Variants in SND1 observed in about 807,000 individuals in gnomAD.
SND1 encodes the protein staphylococcal nuclease domain-containing protein 1.
SND1 carries 38 observed loss-of-function variants against 121.7 expected under a neutral mutation model. The ratio of observed to expected loss-of-function variants is 0.31; its 90% CI spans 0.24 to 0.41. The LOEUF is 0.41. Among genes scored for constraint, SND1 ranks in the 10% least tolerant of loss-of-function variants. SND1 has a pLI of 1.00. For missense variants in SND1, 868 were observed against 1,184.6 expected (o/e 0.73, Z 3.92); for synonymous variants, 401 against 447.4 (o/e 0.90, Z 1.31).
chr7:127,812,982 C>T (rs536123673), intron 11 of SND1, among the ~76,000 whole-genome samples: 127 of 152,278 alleles, frequency 8.3e-4, no homozygotes, highest in African/African-American at 2.7e-3. Context: ...TGGAAAAGTC[C>T]TTTACATTAA....
chr7:127,697,594 A>G (rs1796028773), intron 3 of SND1, among the ~76,000 whole-genome samples: 1 of 152,078 alleles, frequency 6.6e-6, no homozygotes, highest in South Asian at 2.1e-4. Context: ...AAAATTTACT[A>G]ATGTGTCTTT....
In SND1 at chr7:128,081,409, T is replaced by C. The variant is rs778326455; in HGVS notation, c.2018T>C (p.Leu673Pro). 6.2e-7 allele frequency: 1 copy of C among 1,614,206 alleles called. No individual in the cohort carries two copies. The highest frequency in any genetic ancestry group is 2.2e-5 in the East Asian group (1 of 44,878). The change falls in exon 18 of 24, where the codon CTG becomes CCG. Residue 673 changes from leucine to proline, a missense_variant. By Grantham distance (98) the Leu-to-Pro change is moderately conservative (BLOSUM62 -3). This residue lies in a region of SND1 where 743 missense variants were observed against 1,071.3 expected (regional missense o/e 0.69). Coordinates refer to ENST00000354725, the MANE Select transcript of SND1 (RefSeq NM_014390.4). ...EQPVEEVMPV[L>P]EEKERSASYK... Reference sequence around the variant, plus strand: ...CCCGTGGAGGAGGTGATGCCAGTGCTGGAGGAGAAGGAGCGATCTGCTAGC... The same window carrying C: ...CCCGTGGAGGAGGTGATGCCAGTGCCGGAGGAGAAGGAGCGATCTGCTAGC...
At position 128,085,191 on chromosome 7, in the gene SND1, A is replaced by G. The variant is rs55726025; in HGVS notation, c.2234+344A>G. On this transcript the variant is annotated intron_variant, in intron 19 of 23. Transcript: ENST00000354725. This position sits in a 1 kb window ranked among gnomAD's most constrained non-coding sequence, Gnocchi z 4.4. ...ATGATGTTACAGGGGGCTGAGGTAG[A>G]GGCTGGGCTACAGTAAGCCTAAACC... Among the ~76,000 whole-genome samples, 1,955 of 152,162 alleles carry G rather than the reference A, an allele frequency of 0.013. 23 individuals carry two copies. The highest frequency in any genetic ancestry group is 0.033 in the South Asian group (160 of 4,824).
chr7:128,013,291 T>C (rs1009075027), intron 16 of SND1, among the ~76,000 whole-genome samples: 8 of 152,192 alleles, frequency 5.3e-5, no homozygotes, highest in African/African-American at 1.2e-4. Flanking sequence ...ACATTGTCAT[T>C]GTGTCCGCCC....
intron 9 of SND1, among the ~76,000 whole-genome samples, chr7:127,712,102 A>T (rs1314527776): frequency 6.6e-6 from 1 of 152,052 alleles, no homozygotes; most frequent in Admixed American, 6.5e-5. Flanking sequence ...TGAGAATAAG[A>T]TATTAAAACA....
At chr7:127,977,827 A>G (rs1474487456) in intron 15 of SND1, among the ~76,000 whole-genome samples, 3 of 152,190 alleles carry the variant, frequency 2.0e-5, no homozygotes, top group Admixed American at 6.5e-5. Flanking sequence ...GGATGTAGCA[A>G]TCACTGGGTT....
chr7:127,764,179 T>C (rs1474171210), intron 10 of SND1, among the ~76,000 whole-genome samples: 4 of 152,256 alleles, frequency 2.6e-5, no homozygotes, highest in Non-Finnish European at 5.9e-5. Flanking sequence ...TATGTAATTC[T>C]AAACTGAATA....
intron 12 of SND1, among the ~76,000 whole-genome samples, chr7:127,872,491 G>T (rs1424991781): frequency 1.3e-5 from 2 of 152,092 alleles, no homozygotes; most frequent in East Asian, 3.9e-4. Context: ...CAGCATTTCT[G>T]TTTGGCCATA....
chr7:127,718,589 A>T lies in SND1; in HGVS notation c.1039-2698A>T, dbSNP rs111985725. The T allele has an allele frequency of 8.1e-3, 8,021 of 985,378 alleles. 37 individuals are homozygous for T. Among genetic ancestry groups the T allele is most frequent in the Non-Finnish European group, 9.1e-3 (7,569 of 829,910 alleles). 61.0% of individuals were successfully genotyped at this position (985,378 alleles called of 1,614,324 possible). A position where few individuals can be genotyped will look rare whatever the true frequency, so the allele number is the denominator to read the frequency against. ...CACAGTTCCTGAAGAGGAGGTTTCTAATCAGGGAGATGCTGAGCAGCAGAG... is the reference window on the plus strand; with the variant it reads ...CACAGTTCCTGAAGAGGAGGTTTCTTATCAGGGAGATGCTGAGCAGCAGAG... On this transcript the variant is annotated intron_variant, in intron 9 of 23. Transcript: ENST00000354725.
At chr7:127,916,893 A>G (rs1414038802) in intron 14 of SND1, among the ~76,000 whole-genome samples, 3 of 152,142 alleles carry the variant, frequency 2.0e-5, no homozygotes, top group African/African-American at 7.2e-5. Flanking sequence ...CTAGATCTGT[A>G]GTTTTTAGGA....
chr7:127,808,370 G>A (rs1324098260), intron 11 of SND1, among the ~76,000 whole-genome samples: 1 of 151,980 alleles, frequency 6.6e-6, no homozygotes, highest in Non-Finnish European at 1.5e-5. Context: ...TCACCATGGT[G>A]GCCAGGCTGG....
rs150252515 is a variant in SND1, at chr7:128,041,843, C to T, written c.1780-32659C>T. Among the ~76,000 whole-genome samples, 8 of 152,300 alleles carry T rather than the reference C, an allele frequency of 5.3e-5. No individual in the cohort carries two copies. In the East Asian group the frequency reaches 1.3e-3, roughly 26 times the overall value. ...CAACACCACTCCAAGCCATGAATCC[C>T]CATCTTTCAATGTTTACCTCACTAC... is the stretch of plus-strand genomic sequence containing the variant. On this transcript the variant is annotated intron_variant, in intron 16 of 23. Transcript: ENST00000354725.
chr7:127,703,772 G>A (rs1020155945), intron 7 of SND1, among the ~76,000 whole-genome samples: 2 of 152,138 alleles, frequency 1.3e-5, no homozygotes, highest in African/African-American at 2.4e-5. Flanking sequence ...ATTTTCTAGG[G>A]AGTTATCATT....
At chr7:127,914,256 C>T (rs1373909546) in intron 14 of SND1, among the ~76,000 whole-genome samples, 1 of 152,216 alleles carries the variant, frequency 6.6e-6, no homozygotes, top group Non-Finnish European at 1.5e-5. Flanking sequence ...ATCTCCTCCA[C>T]TACTTAAGGT....
At chr7:128,089,726 G>T (rs373713175) in intron 22 of SND1, 34 bp downstream of exon 22, 1 of 1,582,712 alleles carries the variant, frequency 6.3e-7, no homozygotes, top group African/African-American at 1.3e-5. Context: ...CCAGCATTGC[G>T]CCACCACCCT....
At chr7:127,852,579 G>A (rs1200883293) in intron 12 of SND1, among the ~76,000 whole-genome samples, 2 of 152,074 alleles carry the variant, frequency 1.3e-5, no homozygotes, top group Admixed American at 1.3e-4. Flanking sequence ...GGAGGCTGAG[G>A]CGGGCATATC....
chr7:127,837,852 G>A (rs1798894099), intron 11 of SND1, among the ~76,000 whole-genome samples: 1 of 152,192 alleles, frequency 6.6e-6, no homozygotes, highest in Non-Finnish European at 1.5e-5. Context: ...AGTGCTGCAA[G>A]AGAAGTAGCA....
rs564209293 is a variant in SND1 at position 127,940,301 on chromosome 7, T to C, written c.1669+10972T>C. On this transcript the variant is annotated intron_variant, in intron 15 of 23. Transcript: ENST00000354725. ...GCTTTCCCAGAGGAATACATTTCAG[T>C]GTAGATTATTCAACACTATCTTGTC... Among the ~76,000 whole-genome samples the C allele has an allele frequency of 4.8e-4, 73 of 152,316 alleles. 1 individual carries two copies. The South Asian group carries it at 0.015, about 31-fold the overall frequency.
chr7:127,679,169 CTT>C (rs1459480905), intron 1 of SND1: 1 of 152,150 alleles, frequency 6.6e-6, no homozygotes, highest in Non-Finnish European at 1.5e-5. Flanking sequence ...CTTTTTAGAG[CTT>C]TGTAGATTTC....
Sources: allele counts gnomAD v4.1 joint callset (sites outside exome capture counted in the v4.1 genomes callset), GRCh38; gene constraint gnomAD v4.1.1; regional missense constraint gnomAD v4.1.1; non-coding constraint Gnocchi (gnomAD v3.1); transcripts MANE v1.5; gene names NCBI Gene and HGNC (gene_info 2026-07-23, HGNC 2026-07-21).